The following ALK variants were observed in gnomAD, a reference collection of about 807,000 sequenced individuals.
ALK encodes ALK receptor tyrosine kinase.
A neutral mutation model predicts 163.1 loss-of-function variants in ALK; 74 were observed. The ratio of observed to expected loss-of-function variants is 0.45; its 90% CI spans 0.38 to 0.55. The LOEUF is 0.55. Among genes scored for constraint, ALK ranks in the 20% least tolerant of loss-of-function variants. The probability of loss-of-function intolerance (pLI) is 0.00; values close to 1 mark genes in which losing one functional copy is unlikely to be tolerated. For missense variants in ALK, 2,063 were observed against 2,105.3 expected (o/e 0.98, Z 0.39); for synonymous variants, 960 against 843.2 (o/e 1.14, Z -2.40).
At chr2:29,693,224 T>C (rs1224987334) in intron 3 of ALK, among the ~76,000 whole-genome samples, 1 of 152,196 alleles carries the variant, frequency 6.6e-6, no homozygotes, top group African/African-American at 2.4e-5. Context: ...TAATCTCTAA[T>C]CTATGCATGT....
At chr2:29,325,744 C>T (rs1195512326) in intron 6 of ALK, among the ~76,000 whole-genome samples, 1 of 152,238 alleles carries the variant, frequency 6.6e-6, no homozygotes, top group Non-Finnish European at 1.5e-5. Flanking sequence ...TGAGCTTCAG[C>T]TTCCTTGTCT....
chr2:29,296,605 TC>T (rs1666186430), intron 9 of ALK, among the ~76,000 whole-genome samples: 1 of 152,240 alleles, frequency 6.6e-6, no homozygotes, highest in Non-Finnish European at 1.5e-5. Context: ...ATTTTATTTT[TC>T]CTCCAGACAC....
chr2:29,200,827 G>GTA (rs555045955), intron 26 of ALK, among the ~76,000 whole-genome samples: 2,056 of 106,566 alleles, frequency 0.019, 63 homozygotes, highest in African/African-American at 0.057. Context: ...ACATATATAC[G>GTA]TATATATATG....
Position 29,281,452 on chromosome 2 carries a change from C to T in ALK, c.1818-5956G>A, listed in dbSNP as rs138070060. ...CGTGGCAGGGGAGTCTCCTCTCTTT[C>T]CCAGTGCTTAGCAGCAGAGATTTTG... On this transcript the variant is annotated intron_variant, in intron 9 of 28. Coordinates refer to ENST00000389048, the MANE Select transcript of ALK (RefSeq NM_004304.5). Among the ~76,000 whole-genome samples, 92 of 152,354 alleles carry T rather than the reference C, an allele frequency of 6.0e-4. 1 individual carries two copies. In the East Asian group the frequency reaches 0.015, roughly 26 times the overall value.
At chr2:29,520,872 G>T (rs1371135926) in intron 4 of ALK, among the ~76,000 whole-genome samples, 1 of 152,110 alleles carries the variant, frequency 6.6e-6, no homozygotes, top group Non-Finnish European at 1.5e-5. Context: ...TCCCCTAAAG[G>T]ATTTGAGGCT....
At chr2:29,463,949 A>C (rs1348400752) in intron 4 of ALK, among the ~76,000 whole-genome samples, 1 of 152,190 alleles carries the variant, frequency 6.6e-6, no homozygotes, top group Non-Finnish European at 1.5e-5. Context: ...GCCCTCAGAA[A>C]AGTTACACTT....
chr2:29,711,638 G>C lies in ALK; in HGVS notation c.787+5940C>G, dbSNP rs554397663. ...TGATGCAGGCAGGGTGGGGGTTGTG[G>C]GAGGGCCTCTGAAGGGGGAAGTCAA... On this transcript the variant is annotated intron_variant, in intron 2 of 28. Coordinates refer to ENST00000389048, the MANE Select transcript of ALK (RefSeq NM_004304.5). Among the ~76,000 whole-genome samples, 5 of 152,244 alleles carry C rather than the reference G, an allele frequency of 3.3e-5. No homozygotes were observed. The South Asian group carries it at 1.0e-3, about 32-fold the overall frequency.
intron 11 of ALK, among the ~76,000 whole-genome samples, chr2:29,256,843 T>A (rs759674180): frequency 6.6e-6 from 1 of 151,992 alleles, no homozygotes; most frequent in South Asian, 2.1e-4. Flanking sequence ...TGTCAGCCAA[T>A]GAGAGAAGGT....
chr2:29,664,819 C>T (rs1677459688), intron 3 of ALK, among the ~76,000 whole-genome samples: 1 of 152,002 alleles, frequency 6.6e-6, no homozygotes, highest in Non-Finnish European at 1.5e-5. Context: ...ACTTCGTCCT[C>T]ACAACTTAGG....
At chr2:29,444,509 C>A (rs569566187) in intron 4 of ALK, among the ~76,000 whole-genome samples, 2 of 152,238 alleles carry the variant, frequency 1.3e-5, no homozygotes, top group South Asian at 4.2e-4. Flanking sequence ...GAGGACTGGG[C>A]AAGAACTCCC....
chr2:29,320,426 A>G (rs529383058), intron 7 of ALK, among the ~76,000 whole-genome samples: 194 of 152,314 alleles, frequency 1.3e-3, no homozygotes, highest in African/African-American at 4.4e-3. Flanking sequence ...CTGCCTCTCA[A>G]TGAATTATGT....
chr2:29,779,025 G>A (rs1193569992), intron 1 of ALK, among the ~76,000 whole-genome samples: 4 of 151,836 alleles, frequency 2.6e-5, no homozygotes, highest in East Asian at 1.9e-4. Context: ...GCGTGGTGGC[G>A]GGCGCCTGTA....
chr2:29,258,208 T>C (rs1664997601), intron 11 of ALK, among the ~76,000 whole-genome samples: 1 of 152,170 alleles, frequency 6.6e-6, no homozygotes, highest in South Asian at 2.1e-4. Context: ...GCTGACTCCT[T>C]CTCCATGGGG....
At chr2:29,661,542 T>C (rs1313582865) in intron 3 of ALK, among the ~76,000 whole-genome samples, 1 of 152,188 alleles carries the variant, frequency 6.6e-6, no homozygotes, top group Non-Finnish European at 1.5e-5. Flanking sequence ...AATAACATGA[T>C]TGTTTAGGTC....
At position 29,581,172 on chromosome 2, in the gene ALK, G is replaced by A. The variant is rs555330889; in HGVS notation, c.953-49056C>T. On this transcript the variant is annotated intron_variant, in intron 3 of 28. Transcript: ENST00000389048. ...TGGGAGGCCAAGGTGGGCGGATCAC[G>A]AGATCAAGAGATCGAGACCATCCTG... Among the ~76,000 whole-genome samples the A allele has an allele frequency of 1.4e-4, 21 of 152,238 alleles. No homozygotes were observed. The South Asian group carries it at 1.9e-3, about 14-fold the overall frequency.
chr2:29,467,188 T>C (rs1419580815), intron 4 of ALK, among the ~76,000 whole-genome samples: 1 of 151,600 alleles, frequency 6.6e-6, no homozygotes, highest in African/African-American at 2.4e-5. Flanking sequence ...ACCAAGAGCC[T>C]TGTTTGACCA....
At chr2:29,596,715 A>G (rs1675225191) in intron 3 of ALK, among the ~76,000 whole-genome samples, 1 of 152,200 alleles carries the variant, frequency 6.6e-6, no homozygotes. Context: ...AGCCTTTGAT[A>G]AAATAGACTC....
intron 3 of ALK, among the ~76,000 whole-genome samples, chr2:29,564,698 T>C (rs887509203): frequency 5.9e-5 from 9 of 152,190 alleles, no homozygotes; most frequent in African/African-American, 2.2e-4. Flanking sequence ...CTGAGGTCAT[T>C]ATGCGTGAGG....
intron 1 of ALK, among the ~76,000 whole-genome samples, chr2:29,862,057 A>G (rs1474295027): frequency 1.3e-5 from 2 of 152,024 alleles, no homozygotes; most frequent in African/African-American, 2.4e-5. Flanking sequence ...TGCAAAATCC[A>G]CAACTGACAA....
Sources: allele counts gnomAD v4.1 joint callset (sites outside exome capture counted in the v4.1 genomes callset), GRCh38; gene constraint gnomAD v4.1.1; transcripts MANE v1.5; gene names NCBI Gene and HGNC (gene_info 2026-07-23, HGNC 2026-07-21).